The following TTN variants were observed in gnomAD, a reference collection of about 807,000 sequenced individuals.
The protein encoded by TTN is connectin.
TTN carries 1,525 observed loss-of-function variants against 3,223.0 expected under a neutral mutation model. That is an observed-to-expected ratio of 0.47 (90% confidence interval 0.45 to 0.49). The LOEUF is 0.49. TTN is among the 20% of genes least tolerant of loss of function. The probability of loss-of-function intolerance (pLI) is 0.00; values close to 1 mark genes in which losing one functional copy is unlikely to be tolerated. For missense variants in TTN, 40,786 were observed against 43,424.0 expected (o/e 0.94, Z 5.40); for synonymous variants, 14,094 against 15,161.0 (o/e 0.93, Z 5.17).
chr2:178,581,344 C>T (rs554047267), intron 316 of TTN, among the ~76,000 whole-genome samples, 155 bp downstream of exon 316: 51 of 152,074 alleles, frequency 3.4e-4, no homozygotes, highest in African/African-American at 1.2e-3. Flanking sequence ...TTCCACAATA[C>T]CGTAAAGTAC....
rs557351969 is a variant in TTN at position 178,802,037 on chromosome 2, C to T, written c.295+101G>A. ...AGTAGACCCTTCTGTAGTTTAAGAGCTGCATCTACCTCTGCCCATAGCTTT... is the reference window on the plus strand; with the variant it reads ...AGTAGACCCTTCTGTAGTTTAAGAGTTGCATCTACCTCTGCCCATAGCTTT... On this transcript the variant is annotated intron_variant, in intron 3 of 362. Coordinates refer to ENST00000589042, the MANE Select transcript of TTN (RefSeq NM_001267550.2). 3.5e-4 allele frequency: 485 copies of T among 1,403,370 alleles called. 18 individuals are homozygous for T. The South Asian group carries it at 3.7e-3, about 11-fold the overall frequency. 86.9% of individuals were successfully genotyped at this position (1,403,370 alleles called of 1,614,324 possible). A position where few individuals can be genotyped will look rare whatever the true frequency, so the allele number is the denominator to read the frequency against.
Position 178,618,444 on chromosome 2 carries a change from C to T in TTN, c.47014G>A (p.Gly15672Ser). The part of the protein sequence containing the change: ...RNLEVTETFD[G>S]EVSLAWEEPL... ...TCTTCCCAAGCAAGGCTCACTTCAC[C>T]ATCAAATGTTTCTGTCACTTCTAAG... Residue 15672 changes from glycine to serine, a missense_variant, in exon 252 of 363, where the codon GGT becomes AGT. By Grantham distance (56) the Gly-to-Ser change is moderately conservative. Transcript: ENST00000589042. The T allele has an allele frequency of 6.2e-7, 1 of 1,612,480 alleles. No homozygotes were observed.
Position 178,723,886 on chromosome 2 carries a change from C to T in TTN, c.21373G>A (p.Asp7125Asn). ...ACAGTTAGCACTGCACGACATTCATCAGACCCAGCGACATTAGCAGCCACG... is the reference window on the plus strand; with the variant it reads ...ACAGTTAGCACTGCACGACATTCATTAGACCCAGCGACATTAGCAGCCACG... ...TCVAANVAGS[D>N]ECRAVLTVQE... The change falls in exon 73 of 363, where the codon GAT becomes AAT. Residue 7125 changes from aspartate (D) to asparagine (N), a missense_variant. Transcript: ENST00000589042. The T allele has an allele frequency of 6.2e-7, 1 of 1,612,654 alleles. No homozygotes were observed. The highest frequency in any genetic ancestry group is 8.5e-7 in the Non-Finnish European group (1 of 1,178,978).
chr2:178,527,003 C>T lies in TTN; in HGVS notation c.*9G>A, dbSNP rs1686679420. 6.2e-7 allele frequency: 1 copy of T among 1,603,384 alleles called. No homozygotes were observed. Among genetic ancestry groups the T allele is most frequent in the African/African-American group, 1.3e-5 (1 of 74,852 alleles). ...AGAATGAGTGTAGAGTATAAGGGCA[C>T]AGGCCCTCTTAAATGGATCGAATAT... On this transcript the variant is annotated 3_prime_UTR_variant, in exon 363 of 363. Transcript: ENST00000589042.
chr2:178,531,558 G>A lies in TTN; in HGVS notation c.105057C>T (p.Tyr35019=). The change falls in exon 358 of 363, where the codon TAC becomes TAT. Residue 35019 remains tyrosine, a synonymous_variant. Transcript: ENST00000589042. ...TTGCATAGTCAGAAGCTTCGCCCTT[G>A]TAGTTGGTGCACACAGCACGGTAGG... ...SGTYRAVCTN[Y]KGEASDYATL... is the part of the protein sequence containing the mutation. 1 of 1,613,956 alleles carries A rather than the reference G, an allele frequency of 6.2e-7. No homozygotes were observed. The highest frequency in any genetic ancestry group is 8.5e-7 in the Non-Finnish European group (1 of 1,179,886).
rs72646877 is a variant in TTN at position 178,579,071 on chromosome 2, A to T, written c.67959T>A (p.Phe22653Leu). ...TCATGGCTTCTGCTGTGACTTCATC[A>T]AATTTGATTGGTCCAGTGGGGATGC... Reference protein sequence around the residue: ...KPGIPTGPIKFDEVTAEAMTL... With the variant: ...KPGIPTGPIKLDEVTAEAMTL... The change falls in exon 320 of 363, where the codon TTT (phenylalanine) becomes TTA (leucine). Residue 22653 changes from phenylalanine (F) to leucine (L), a missense_variant. Transcript: ENST00000589042. 15 of 1,613,196 alleles carry T rather than the reference A, an allele frequency of 9.3e-6. No homozygotes were observed. The highest frequency in any genetic ancestry group is 1.2e-5 in the Non-Finnish European group (14 of 1,179,550).
rs759865479 is a variant in TTN, at chr2:178,552,632, C to T, written c.90268G>A (p.Val30090Ile). 4.3e-6 allele frequency: 7 copies of T among 1,613,884 alleles called. No homozygotes were observed. Among genetic ancestry groups the T allele is most frequent in the Non-Finnish European group, 5.1e-6 (6 of 1,179,830 alleles). ...ACTGACTGCTCCTTAAGTTGGCTAA[C>T]CTCAATTTCACATGTCTTACTTATG... ...AGISKTCEIE[V>I]SQLKEQSVLE... The change falls in exon 335 of 363, where the codon GTT becomes ATT. Residue 30090 changes from valine (V) to isoleucine (I), a missense_variant. Coordinates refer to ENST00000589042, the MANE Select transcript of TTN (RefSeq NM_001267550.2).
Position 178,649,246 on chromosome 2 carries a change from A to G in TTN, c.40057+2T>C. ...AATCTATTTTTTCTTCATGGTAGGT[A>G]CCTTTTTCTGGAAGAACTTCTGGTT... On this transcript the variant is annotated splice_donor_variant, in intron 213 of 362. Transcript: ENST00000589042. LOFTEE classifies it high-confidence loss of function. 6.7e-7 allele frequency: 1 copy of G among 1,500,738 alleles called. No homozygotes were observed. The highest frequency in any genetic ancestry group is 1.3e-5 in the South Asian group (1 of 75,792). The allele number at this position is 1,500,738 out of a possible 1,614,324, so 93.0% of individuals were successfully genotyped here. A position where few individuals can be genotyped will look rare whatever the true frequency, so the allele number is the denominator to read the frequency against.
chr2:178,718,670 G>T, intron 84 of TTN, 25 bp downstream of exon 84: 5 of 1,609,850 alleles, frequency 3.1e-6, no homozygotes, highest in Non-Finnish European at 4.2e-6. Context: ...TTTAAAAGAT[G>T]TATATATTGG....
At chr2:178,701,018 C>T (rs909395930) in intron 111 of TTN, 102 bp downstream of exon 111, 2 of 969,010 alleles carry the variant, frequency 2.1e-6, no homozygotes, top group African/African-American at 1.6e-5. Flanking sequence ...GGCAATTCCA[C>T]CTCTTGACCA....
At position 178,712,049 on chromosome 2, in the gene TTN, T is replaced by C; in HGVS notation, c.27781A>G (p.Thr9261Ala). 6.2e-7 allele frequency: 1 copy of C among 1,613,818 alleles called. No individual in the cohort carries two copies. Among genetic ancestry groups the C allele is most frequent in the Non-Finnish European group, 8.5e-7 (1 of 1,179,766 alleles). The change falls in exon 96 of 363, where the codon ACA becomes GCA. Residue 9261 changes from threonine to alanine, a missense_variant. Physicochemically the swap from Thr to Ala is moderately conservative, Grantham distance 58. Transcript: ENST00000589042. ...ATATCAACCTGGTTGAAAACCAGTG[T>C]AGCAACATTATTCCTAAAATGCATT... ...YKMHFRNNVA[T>A]LVFNQVDIND... is the part of the protein sequence containing the mutation.
chr2:178,671,666 A>C (rs2066996776), intron 155 of TTN, among the ~76,000 whole-genome samples: 1 of 151,754 alleles, frequency 6.6e-6, no homozygotes, highest in South Asian at 2.1e-4. Flanking sequence ...TCACTTAACC[A>C]ATGACACTGG....
intron 311 of TTN, 160 bp from the exon 312 acceptor site, chr2:178,584,066 C>A: frequency 9.5e-7 from 1 of 1,053,952 alleles, no homozygotes; most frequent in East Asian, 2.6e-5. Flanking sequence ...TGAGTCCTTG[C>A]TGTATGCTTT....
intron 359 of TTN, 111 bp from the exon 360 acceptor site, chr2:178,529,330 A>T: frequency 6.1e-6 from 5 of 826,190 alleles, no homozygotes; most frequent in Non-Finnish European, 8.8e-6. Flanking sequence ...CAACTTCTTC[A>T]TGCAATGTAG....
chr2:178,672,434 T>C lies in TTN; in HGVS notation c.34903A>G (p.Lys11635Glu), dbSNP rs1225975683. 6 of 1,600,404 alleles carry C rather than the reference T, an allele frequency of 3.7e-6. No homozygotes were observed. Among genetic ancestry groups the C allele is most frequent in the East Asian group, 2.2e-5 (1 of 44,804 alleles). ...KVPEKKVLVP[K>E]KEAVPPAKGR... ...TTAGCTGGGGGAACAGCTTCCTTTT[T>C]AGGCACAAGGACTTTCTTTTCTGGG... The change falls in exon 154 of 363, where the codon AAA becomes GAA. Residue 11635 changes from lysine (K) to glutamate (E), a missense_variant. By Grantham distance (56) the Lys-to-Glu change is moderately conservative. Transcript: ENST00000589042.
chr2:178,531,457 A>G lies in TTN; in HGVS notation c.105158T>C (p.Phe35053Ser), dbSNP rs1243584643. Reference sequence around the variant, plus strand: ...CGCCTCTGTTCTTGTCAGCTCAGGGAAAACAGATCTGGGGACCTCTTCATC... The same window carrying G: ...CGCCTCTGTTCTTGTCAGCTCAGGGGAAACAGATCTGGGGACCTCTTCATC... Reference protein sequence around the residue: ...RRDEEVPRSVFPELTRTEAYA... With the variant: ...RRDEEVPRSVSPELTRTEAYA... Residue 35053 changes from phenylalanine (F) to serine (S), a missense_variant, in exon 358 of 363, where the codon TTC becomes TCC. By Grantham distance (155) the Phe-to-Ser change is radical (BLOSUM62 -2). Transcript: ENST00000589042. 5.0e-6 allele frequency: 8 copies of G among 1,613,796 alleles called. No homozygotes were observed. Among genetic ancestry groups the G allele is most frequent in the Non-Finnish European group, 6.8e-6 (8 of 1,179,888 alleles).
intron 110 of TTN, 108 bp from the exon 111 acceptor site, chr2:178,701,311 C>A: frequency 1.8e-6 from 2 of 1,099,734 alleles, no homozygotes; most frequent in Non-Finnish European, 2.6e-6. Flanking sequence ...TATTATAGTA[C>A]GAATTCATCA....
chr2:178,646,653 A>T, intron 215 of TTN, 94 bp from the exon 216 acceptor site: 1 of 697,312 alleles, frequency 1.4e-6, no homozygotes, highest in Non-Finnish European at 2.4e-6. Context: ...GATTACAGTC[A>T]CAAAATAAAA....
Position 178,579,304 on chromosome 2 carries a change from C to T in TTN, c.67726G>A (p.Gly22576Ser), listed in dbSNP as rs751016349. ...SNFRLKIPIK[G>S]KPAPSVSWKK... ...CAGGAGACTGATGGAGCTGGCTTGC[C>T]TTTTATGGGGATCTTAAGCCGGAAG... is the stretch of plus-strand genomic sequence containing the variant. The change falls in exon 320 of 363, where the codon GGC becomes AGC. Residue 22576 changes from glycine to serine, a missense_variant. Coordinates refer to ENST00000589042, the MANE Select transcript of TTN (RefSeq NM_001267550.2). 27 of 1,611,248 alleles carry T rather than the reference C, an allele frequency of 1.7e-5. No individual in the cohort carries two copies. The highest frequency in any genetic ancestry group is 8.3e-5 in the Admixed American group (5 of 59,908).
Sources: allele counts gnomAD v4.1 joint callset (sites outside exome capture counted in the v4.1 genomes callset), GRCh38; gene constraint gnomAD v4.1.1; transcripts MANE v1.5; gene names NCBI Gene and HGNC (gene_info 2026-07-23, HGNC 2026-07-21).